The following SECISBP2 variants were observed in gnomAD, a reference collection of about 807,000 sequenced individuals.
SECISBP2 encodes selenocysteine insertion sequence-binding protein 2.
Under a neutral mutation model 98.2 loss-of-function variants are expected in SECISBP2, and 96 were observed. That is an observed-to-expected ratio of 0.98 (90% CI 0.83 to 1.16). The LOEUF is 1.16. Ranked by LOEUF, SECISBP2 falls within the 50% of genes most tolerant of loss-of-function variation. The pLI is 0.00. For missense variants in SECISBP2, 1,046 were observed against 1,022.9 expected, an observed-to-expected ratio of 1.02 and a Z score of -0.31; for synonymous variants, 407 against 370.2, an observed-to-expected ratio of 1.10 and a Z score of -1.14.
the SECISBP2 span, among the ~76,000 whole-genome samples, chr9:89,366,151 C>G: frequency 2.6e-5 from 4 of 152,172 alleles, no homozygotes; most frequent in Non-Finnish European, 5.9e-5. Flanking sequence ...TTCAGCAACA[C>G]AGAAAAATAA....
At position 89,358,758 on chromosome 9, in the gene SECISBP2, A is replaced by G. The variant is rs1443525560; in HGVS notation, c.2499A>G (p.Gly833=). The change falls in exon 17 of 17, where the codon GGA becomes GGG. Residue 833 remains glycine, a synonymous_variant. Coordinates refer to ENST00000375807, the MANE Select transcript of SECISBP2 (RefSeq NM_024077.5). ...IWKKHLEAYS[G]CTLELEESLE... is the part of the protein sequence containing the mutation. ...AAAAACATCTGGAAGCATACAGTGGATGTACCCTGGAGCTAGAAGAATCCT... is the reference window on the plus strand; with the variant it reads ...AAAAACATCTGGAAGCATACAGTGGGTGTACCCTGGAGCTAGAAGAATCCT... The G allele has an allele frequency of 3.1e-6, 5 of 1,613,812 alleles. No homozygotes were observed. The highest frequency in any genetic ancestry group is 3.4e-6 in the Non-Finnish European group (4 of 1,179,788).
intron 2 of SECISBP2, chr9:89,322,251 G>A (rs1368380486): frequency 5.3e-5 from 8 of 152,246 alleles, no homozygotes; most frequent in Admixed American, 4.6e-4. Context: ...GATAACATTT[G>A]CCATGTTTGG....
chr9:89,365,463 GCCAT>G, the SECISBP2 span: 2 of 152,312 alleles, frequency 1.3e-5, no homozygotes, highest in African/African-American at 2.4e-5. Flanking sequence ...CCCCAAATGG[GCCAT>G]GGGCCACCTA....
chr9:89,341,203 T>C, intron 9 of SECISBP2, 144 bp from the exon 10 acceptor site: 1 of 758,750 alleles, frequency 1.3e-6, no homozygotes, highest in Non-Finnish European at 2.1e-6. Flanking sequence ...GGATTGATTT[T>C]TTTTCCTTTC....
intron 10 of SECISBP2, among the ~76,000 whole-genome samples, chr9:89,341,705 AAAG>A (rs754822033): frequency 9.2e-5 from 14 of 152,260 alleles, no homozygotes; most frequent in Non-Finnish European, 1.3e-4. Flanking sequence ...TGAATAGAAC[AAAG>A]AACAGTCTCT....
chr9:89,339,978 A>C, intron 9 of SECISBP2, 25 bp downstream of exon 9: 2 of 1,521,592 alleles, frequency 1.3e-6, no homozygotes, highest in Non-Finnish European at 1.8e-6. Flanking sequence ...GAAACCACAA[A>C]TTGCTTTAGG....
chr9:89,353,006 GTTGTCTGCGCCTAC>G (rs1409266080), intron 14 of SECISBP2, among the ~76,000 whole-genome samples: 1 of 138,904 alleles, frequency 7.2e-6, no homozygotes, highest in African/African-American at 3.5e-5. Context: ...CTGTGTCCTA[GTTGTCTGCGCCTAC>G]TTAAGAGCCA....
chr9:89,323,231 T>G (rs879301853), intron 2 of SECISBP2: 7 of 152,160 alleles, frequency 4.6e-5, no homozygotes, highest in Non-Finnish European at 1.0e-4. Flanking sequence ...AAAAGTGAAA[T>G]AGTAAGTGGA....
At chr9:89,341,267 T>C (rs1829612149) in intron 9 of SECISBP2, 80 bp from the exon 10 acceptor site, 2 of 1,351,136 alleles carry the variant, frequency 1.5e-6, no homozygotes, top group African/African-American at 3.0e-5. Flanking sequence ...TTTCATTTTA[T>C]CTTTACATCA....
At chr9:89,350,939 C>A in intron 14 of SECISBP2, 87 bp downstream of exon 14, 1 of 1,102,392 alleles carries the variant, frequency 9.1e-7, no homozygotes, top group Non-Finnish European at 1.4e-6. Context: ...CTCAGCGGCC[C>A]ATGCCACAGG....
At position 89,332,916 on chromosome 9, in the gene SECISBP2, A is replaced by G; in HGVS notation, c.810A>G (p.Ile270Met). The G allele has an allele frequency of 4.3e-6, 7 of 1,613,442 alleles. No individual in the cohort carries two copies. The highest frequency in any genetic ancestry group is 2.2e-5 in the East Asian group (1 of 44,820). Residue 270 changes from isoleucine (I) to methionine (M), a missense_variant, in exon 6 of 17, where the codon ATA becomes ATG. Physicochemically the swap from Ile to Met is conservative, Grantham distance 10. Transcript: ENST00000375807. ...KPAAVLSKGEIVVKNNPNESV... is the reference protein window; with the variant it reads ...KPAAVLSKGEMVVKNNPNESV... ...ATGTGTTTGCTTTTTAGGGTGAAAT[A>G]GTGGTGAAAAATAACCCAAATGAAT...
chr9:89,358,336 G>A (rs1290940709), intron 16 of SECISBP2, 145 bp downstream of exon 16: 7 of 832,130 alleles, frequency 8.4e-6, no homozygotes, highest in Non-Finnish European at 1.4e-5. Context: ...TGCCTAAGAG[G>A]TATTATCAGA....
chr9:89,329,035 T>C (rs926344664), intron 5 of SECISBP2, 149 bp downstream of exon 5: 39 of 659,266 alleles, frequency 5.9e-5, no homozygotes, highest in Admixed American at 1.6e-4. Flanking sequence ...TGTGCACTTA[T>C]ATGACCTTCT....
chr9:89,357,402 T>A lies in SECISBP2; in HGVS notation c.2114-9T>A, dbSNP rs1403355463. 2 of 1,613,740 alleles carry A rather than the reference T, an allele frequency of 1.2e-6. No individual in the cohort carries two copies. The highest frequency in any genetic ancestry group is 4.5e-5 in the East Asian group (2 of 44,898). On this transcript the variant is annotated splice_polypyrimidine_tract_variant and intron_variant, in intron 14 of 16. Coordinates refer to ENST00000375807, the MANE Select transcript of SECISBP2 (RefSeq NM_024077.5). ...GTCTTCCTGTCATTTTTCATTGTCC[T>A]TTGACCAGGTGGGCTGGATGACACT...
chr9:89,355,171 C>T (rs1291674746), intron 14 of SECISBP2: 8 of 985,292 alleles, frequency 8.1e-6, no homozygotes, highest in Non-Finnish European at 9.6e-6. Context: ...AGAAGTTCTT[C>T]TCTTGAAATG....
At chr9:89,324,505 TTC>T (rs1826350559) in intron 2 of SECISBP2, 1 of 152,240 alleles carries the variant, frequency 6.6e-6, no homozygotes, top group Non-Finnish European at 1.5e-5. Flanking sequence ...TAGTCTCCCT[TTC>T]TTATTCAGTG....
At chr9:89,336,913 A>G (rs1828835797) in intron 7 of SECISBP2, among the ~76,000 whole-genome samples, 1 of 151,698 alleles carries the variant, frequency 6.6e-6, no homozygotes, top group African/African-American at 2.4e-5. Flanking sequence ...CTGGGATTAC[A>G]GGTGCCCGCC....
downstream of SECISBP2, chr9:89,364,609 T>G (rs1236231259): frequency 6.4e-6 from 1 of 156,480 alleles, no homozygotes. Flanking sequence ...GGGCCCGACA[T>G]TGGCCACTTC....
At chr9:89,349,084 C>A (rs1477047473) in intron 12 of SECISBP2, among the ~76,000 whole-genome samples, 2 of 152,194 alleles carry the variant, frequency 1.3e-5, no homozygotes, top group Admixed American at 6.5e-5. Context: ...CAGTTACAGC[C>A]CCAGGGAGGC....
Sources: allele counts gnomAD v4.1 joint callset (sites outside exome capture counted in the v4.1 genomes callset), GRCh38; gene constraint gnomAD v4.1.1; transcripts MANE v1.5; gene names NCBI Gene and HGNC (gene_info 2026-07-23, HGNC 2026-07-21).